The following FSTL5 variants were observed in gnomAD, a reference collection of about 807,000 sequenced individuals.
The protein encoded by FSTL5 is follistatin like 5, also known as follistatin-related protein 5.
A neutral mutation model predicts 89.1 loss-of-function variants in FSTL5; 62 were observed. The ratio of observed to expected loss-of-function variants is 0.70; its 90% CI spans 0.57 to 0.86. FSTL5 has a LOEUF of 0.86. FSTL5 is among the 40% of genes least tolerant of loss of function. The probability of loss-of-function intolerance (pLI) is 0.00; values close to 1 mark genes in which losing one functional copy is unlikely to be tolerated. For synonymous variants in FSTL5, 383 were observed against 346.2 expected (o/e 1.11, Z -1.18); for missense variants, 1,057 against 1,001.6 (o/e 1.06, Z -0.75).
chr4:162,083,472 T>C (rs916654402), intron 2 of FSTL5, among the ~76,000 whole-genome samples: 4 of 151,762 alleles, frequency 2.6e-5, no homozygotes, highest in African/African-American at 9.7e-5. Context: ...TAGGGTTAGA[T>C]AAATATACGT....
intron 4 of FSTL5, among the ~76,000 whole-genome samples, chr4:161,909,704 T>A (rs1273985506): frequency 6.6e-6 from 1 of 152,120 alleles, no homozygotes; most frequent in Non-Finnish European, 1.5e-5. Context: ...TTGTTTTTCC[T>A]TTCTTTCTGT....
At chr4:162,142,249 T>A (rs1732780367) in intron 1 of FSTL5, among the ~76,000 whole-genome samples, 1 of 152,110 alleles carries the variant, frequency 6.6e-6, no homozygotes, top group Non-Finnish European at 1.5e-5. Flanking sequence ...TGTGGTGTCC[T>A]GAAAGGCAAG....
chr4:162,130,155 G>A (rs1476596843), intron 1 of FSTL5, among the ~76,000 whole-genome samples: 1 of 152,050 alleles, frequency 6.6e-6, no homozygotes, highest in Non-Finnish European at 1.5e-5. Context: ...AAGAGTTTAG[G>A]AAAAAAATCA....
At chr4:161,600,158 AACACAC>A (rs71598717) in intron 7 of FSTL5, among the ~76,000 whole-genome samples, 2,723 of 142,044 alleles carry the variant, frequency 0.019, 57 homozygotes, top group African/African-American at 0.054. Context: ...AATGTCAATA[AACACAC>A]ACACACACAC....
intron 2 of FSTL5, among the ~76,000 whole-genome samples, chr4:162,104,980 T>C (rs1425995326): frequency 6.6e-6 from 1 of 152,140 alleles, no homozygotes; most frequent in Non-Finnish European, 1.5e-5. Flanking sequence ...AATTAGCATG[T>C]TAATTTTAAC....
chr4:161,596,695 C>T (rs912380708), intron 7 of FSTL5, among the ~76,000 whole-genome samples: 3 of 151,864 alleles, frequency 2.0e-5, no homozygotes, highest in African/African-American at 4.8e-5. Flanking sequence ...TTGAGGATCA[C>T]GAAGTTTTAT....
intron 3 of FSTL5, among the ~76,000 whole-genome samples, chr4:161,986,808 G>A (rs572746820): frequency 6.6e-6 from 1 of 152,196 alleles, no homozygotes; most frequent in South Asian, 2.1e-4. Flanking sequence ...GACGTTGATG[G>A]CTCTAATCCT....
At chr4:161,559,771 C>CT (rs1732523072) in intron 8 of FSTL5, among the ~76,000 whole-genome samples, 1 of 151,882 alleles carries the variant, frequency 6.6e-6, no homozygotes, top group Non-Finnish European at 1.5e-5. Context: ...GTGCTACGTT[C>CT]TGAGAAATGT....
chr4:161,766,898 TGATAGATCGATTGATA>T lies in FSTL5; in HGVS notation c.607-7383_607-7368del, dbSNP rs1399376879. On this transcript the variant is annotated intron_variant, in intron 5 of 15. Transcript: ENST00000306100. Reference sequence around the variant, plus strand: ...CAGATACAGATAGATAGACAATAGATGATAGATCGATTGATAGATAGATAGATAGATAGATAGATAG... The same window carrying T: ...CAGATACAGATAGATAGACAATAGATGATAGATAGATAGATAGATAGATAG... Among the ~76,000 whole-genome samples, 193 of 123,478 alleles carry T rather than the reference TGATAGATCGATTGATA, an allele frequency of 1.6e-3. 1 individual carries two copies. The highest frequency in any genetic ancestry group is 5.8e-3 in the African/African-American group (171 of 29,342). 81.0% of individuals were successfully genotyped at this position (123,478 alleles called of 152,430 possible).
At chr4:161,793,103 G>A (rs1380189446) in intron 4 of FSTL5, among the ~76,000 whole-genome samples, 1 of 152,218 alleles carries the variant, frequency 6.6e-6, no homozygotes, top group East Asian at 1.9e-4. Context: ...CAGTACATCT[G>A]CTCCAGCTGC....
rs758886779 is a variant in FSTL5 at position 161,776,100 on chromosome 4, CA to C, written c.410-27del. 5 of 1,164,654 alleles carry C rather than the reference CA, an allele frequency of 4.3e-6. No homozygotes were observed. In the South Asian group the frequency reaches 9.4e-5, roughly 22 times the overall value. 72.1% of individuals were successfully genotyped at this position (1,164,654 alleles called of 1,614,324 possible). Reference sequence around the variant, plus strand: ...CTGTAACAAAAGAACTAGTTATTTTCAAGCAATATTATTGAAAAGAAATAGT... The same window carrying C: ...CTGTAACAAAAGAACTAGTTATTTTCAGCAATATTATTGAAAAGAAATAGT... On this transcript the variant is annotated intron_variant, in intron 4 of 15. Coordinates refer to ENST00000306100, the MANE Select transcript of FSTL5 (RefSeq NM_020116.5).
At position 161,476,189 on chromosome 4, in the gene FSTL5, G is replaced by GT. The variant is rs1241724019; in HGVS notation, c.1608+4830dup. On this transcript the variant is annotated intron_variant, in intron 13 of 15. Transcript: ENST00000306100. ...AGTTTGCTGGTTTTTTTTTTTTTTT[G>GT]TTTGTTTGTTTTTTTGAGAAAGAGT... Among the ~76,000 whole-genome samples the GT allele has an allele frequency of 1.9e-4, 20 of 106,902 alleles. 1 individual carries two copies. The highest frequency in any genetic ancestry group is 1.6e-3 in the South Asian group (5 of 3,152). 70.1% of individuals were successfully genotyped at this position (106,902 alleles called of 152,430 possible). A position where few individuals can be genotyped will look rare whatever the true frequency, so the allele number is the denominator to read the frequency against.
chr4:161,406,637 GCTGT>G (rs548490817), intron 15 of FSTL5, among the ~76,000 whole-genome samples: 42 of 152,202 alleles, frequency 2.8e-4, no homozygotes, highest in East Asian at 2.7e-3. Context: ...TTCCTGTTGA[GCTGT>G]CTATTTCACC....
chr4:161,709,220 C>T (rs1011289734), intron 6 of FSTL5, among the ~76,000 whole-genome samples: 7 of 151,822 alleles, frequency 4.6e-5, no homozygotes, highest in East Asian at 1.9e-4. Flanking sequence ...TGTTATTTTA[C>T]GTAAAATCAT....
chr4:161,445,336 C>T (rs1009926840), intron 15 of FSTL5, among the ~76,000 whole-genome samples: 3 of 151,618 alleles, frequency 2.0e-5, no homozygotes, highest in Non-Finnish European at 3.0e-5. Flanking sequence ...TACTAAAATT[C>T]GTATTCTTGA....
At chr4:161,633,371 C>T (rs996046810) in intron 7 of FSTL5, among the ~76,000 whole-genome samples, 48 of 150,526 alleles carry the variant, frequency 3.2e-4, no homozygotes, top group African/African-American at 1.1e-3. Flanking sequence ...GACCAAGTCT[C>T]GCTCTGTCCT....
At chr4:161,846,018 G>A (rs1731356440) in intron 4 of FSTL5, among the ~76,000 whole-genome samples, 1 of 149,904 alleles carries the variant, frequency 6.7e-6, no homozygotes. Context: ...TGTACTCCAG[G>A]AGCCTGGGCA....
At chr4:161,600,241 A>C (rs1181108012) in intron 7 of FSTL5, among the ~76,000 whole-genome samples, 1 of 151,814 alleles carries the variant, frequency 6.6e-6, no homozygotes, top group African/African-American at 2.4e-5. Flanking sequence ...AAACAGCCAA[A>C]AATAAGCTAT....
intron 1 of FSTL5, among the ~76,000 whole-genome samples, chr4:162,139,973 TA>T (rs1166847157): frequency 1.3e-5 from 2 of 152,104 alleles, no homozygotes; most frequent in Non-Finnish European, 2.9e-5. Flanking sequence ...ACAACAGACC[TA>T]AGCAGGAATT....
Sources: gnomAD v4.1 joint callset for allele counts (sites outside exome capture counted in the v4.1 genomes callset) on GRCh38, gnomAD v4.1.1 for gene constraint, MANE v1.5 for transcripts, NCBI Gene and HGNC (gene_info 2026-07-23, HGNC 2026-07-21) for gene names.